CHST9: variants seen among roughly 807,000 people sequenced by gnomAD.
The protein encoded by CHST9 is carbohydrate sulfotransferase 9.
CHST9 carries 41 observed loss-of-function variants against 44.4 expected under a neutral mutation model. The ratio of observed to expected loss-of-function variants is 0.92; its 90% CI spans 0.72 to 1.20. The LOEUF is 1.20. Ranked by LOEUF, CHST9 falls within the 50% of genes most tolerant of loss-of-function variation. The pLI is 0.00. For missense variants in CHST9, 504 were observed against 516.5 expected, an observed-to-expected ratio of 0.98 and a Z score of 0.23; for synonymous variants, 171 against 178.4, an observed-to-expected ratio of 0.96 and a Z score of 0.33.
At chr18:27,058,452 T>G (rs1206496945) in intron 2 of CHST9, among the ~76,000 whole-genome samples, 1 of 152,220 alleles carries the variant, frequency 6.6e-6, no homozygotes, top group Non-Finnish European at 1.5e-5. Flanking sequence ...CCTAGTAACT[T>G]GCTTACCCAG....
intron 4 of CHST9, among the ~76,000 whole-genome samples, chr18:27,005,321 T>A (rs755425151): frequency 2.6e-5 from 4 of 152,186 alleles, no homozygotes; most frequent in African/African-American, 4.8e-5. Context: ...TAAATGATAG[T>A]TATTAAAATG....
intron 2 of CHST9, among the ~76,000 whole-genome samples, chr18:27,107,711 A>G (rs1255944656): frequency 6.6e-6 from 1 of 152,164 alleles, no homozygotes; most frequent in Non-Finnish European, 1.5e-5. Flanking sequence ...ATCCTACAGG[A>G]CATTCCACAG....
intron 2 of CHST9, among the ~76,000 whole-genome samples, chr18:27,133,342 T>A (rs1383403783): frequency 1.3e-5 from 2 of 152,216 alleles, no homozygotes; most frequent in Non-Finnish European, 2.9e-5. Flanking sequence ...TTATTCAGGT[T>A]CAGAAGACTT....
chr18:27,140,656 C>T (rs2058556963), intron 2 of CHST9, among the ~76,000 whole-genome samples: 1 of 152,090 alleles, frequency 6.6e-6, no homozygotes. Flanking sequence ...CTATAGTCTT[C>T]AGTGAATTTT....
At chr18:27,019,174 A>T (rs1344042007) in intron 4 of CHST9, among the ~76,000 whole-genome samples, 2 of 152,188 alleles carry the variant, frequency 1.3e-5, no homozygotes, top group Non-Finnish European at 2.9e-5. Flanking sequence ...AGTCCATTTC[A>T]GGACCCGTGC....
intron 4 of CHST9, among the ~76,000 whole-genome samples, chr18:27,008,201 A>G (rs1915019884): frequency 6.6e-6 from 1 of 152,180 alleles, no homozygotes; most frequent in South Asian, 2.1e-4. Flanking sequence ...AAGATATCAG[A>G]GATAGATCTC....
rs2055488788 is a variant in CHST9, at chr18:26,914,729, A to G, written c.*1530T>C. On this transcript the variant is annotated 3_prime_UTR_variant, in exon 6 of 6. Transcript: ENST00000618847. ...TACTCAGCCATGAAATAGAAAATCA[A>G]AATGAAATAAGTATGACTGCAACTA... 2.6e-6 allele frequency: 1 copy of G among 389,860 alleles called. No individual in the cohort carries two copies. The highest frequency in any genetic ancestry group is 4.5e-6 in the Non-Finnish European group (1 of 220,798). 24.2% of individuals were successfully genotyped at this position (389,860 alleles called of 1,614,324 possible). A position where few individuals can be genotyped will look rare whatever the true frequency, so the allele number is the denominator to read the frequency against.
intron 2 of CHST9, among the ~76,000 whole-genome samples, chr18:27,122,618 A>G (rs2058384227): frequency 6.6e-6 from 1 of 152,184 alleles, no homozygotes. Context: ...ACTAATGAAC[A>G]TTTGTCATAC....
intron 4 of CHST9, among the ~76,000 whole-genome samples, chr18:27,004,264 CAGAG>C (rs999986510): frequency 1.1e-4 from 16 of 151,770 alleles, no homozygotes; most frequent in Admixed American, 7.2e-4. Flanking sequence ...GGGAAAAGGC[CAGAG>C]AGAAAGAGGC....
chr18:27,008,474 C>G (rs768483457), intron 4 of CHST9, among the ~76,000 whole-genome samples: 1 of 152,256 alleles, frequency 6.6e-6, no homozygotes, highest in African/African-American at 2.4e-5. Flanking sequence ...TATACTTGGT[C>G]CCTCCTAAGC....
intron 1 of CHST9, among the ~76,000 whole-genome samples, chr18:27,171,118 T>C (rs1367428972): frequency 2.0e-5 from 3 of 152,156 alleles, no homozygotes; most frequent in African/African-American, 7.2e-5. Flanking sequence ...AACTTGAGGG[T>C]AAGTGAAATA....
At chr18:27,155,273 T>C (rs1598763570) in intron 1 of CHST9, among the ~76,000 whole-genome samples, 1 of 152,178 alleles carries the variant, frequency 6.6e-6, no homozygotes, top group Non-Finnish European at 1.5e-5. Flanking sequence ...ATATTCCAGA[T>C]GCTTAGCACA....
At chr18:27,112,540 A>G (rs1038735678) in intron 2 of CHST9, among the ~76,000 whole-genome samples, 26 of 150,824 alleles carry the variant, frequency 1.7e-4, no homozygotes, top group South Asian at 8.4e-4. Context: ...GACTTTGAAT[A>G]ATTTTGGATT....
intron 4 of CHST9, among the ~76,000 whole-genome samples, chr18:27,011,946 C>T (rs1047278024): frequency 1.3e-5 from 2 of 152,190 alleles, no homozygotes; most frequent in Non-Finnish European, 2.9e-5. Context: ...CCACCTTTGC[C>T]TTTGCCCTTT....
At chr18:26,924,110 T>C (rs147691636) in intron 5 of CHST9, among the ~76,000 whole-genome samples, 392 of 152,288 alleles carry the variant, frequency 2.6e-3, no homozygotes, top group South Asian at 7.1e-3. Context: ...ATTTAAAACA[T>C]TCTGGGGCAG....
intron 2 of CHST9, among the ~76,000 whole-genome samples, chr18:27,053,319 A>AAGG (rs1301325557): frequency 5.4e-5 from 6 of 110,504 alleles, no homozygotes; most frequent in African/African-American, 1.0e-4. Context: ...GGAGAAGGAG[A>AAGG]AGGAGAAGAT....
At chr18:27,034,924 A>G (rs2057375964) in intron 3 of CHST9, among the ~76,000 whole-genome samples, 1 of 152,246 alleles carries the variant, frequency 6.6e-6, no homozygotes, top group African/African-American at 2.4e-5. Context: ...ATAGAAAAAT[A>G]CAGGCCTACT....
Position 27,120,164 on chromosome 18 carries a change from T to C in CHST9, c.121+22525A>G, listed in dbSNP as rs41510849. 6.7e-3 allele frequency among the ~76,000 whole-genome samples: 1,017 copies of C among 152,286 alleles called. 18 individuals are homozygous for C. The highest frequency in any genetic ancestry group is 0.022 in the African/African-American group (894 of 41,560). On this transcript the variant is annotated intron_variant, in intron 2 of 5. Transcript: ENST00000618847. Reference sequence around the variant, plus strand: ...TTAACCAATGATGAAACCGTGCATTTTTCAATATTGCTGGCAAGGAAACAG... The same window carrying C: ...TTAACCAATGATGAAACCGTGCATTCTTCAATATTGCTGGCAAGGAAACAG...
chr18:26,986,014 T>C (rs900079347), intron 4 of CHST9, among the ~76,000 whole-genome samples: 1 of 152,032 alleles, frequency 6.6e-6, no homozygotes, highest in African/African-American at 2.4e-5. Flanking sequence ...CCTGAGAAAA[T>C]TTCTAGGAAT....
Sources: allele counts gnomAD v4.1 joint callset (sites outside exome capture counted in the v4.1 genomes callset), GRCh38; gene constraint gnomAD v4.1.1; transcripts MANE v1.5; gene names NCBI Gene and HGNC (gene_info 2026-07-23, HGNC 2026-07-21).